The following ZSWIM6 variants were observed in gnomAD, a reference collection of about 807,000 sequenced individuals.
ZSWIM6 encodes the protein zinc finger SWIM domain-containing protein 6.
In ZSWIM6, 9 loss-of-function variants were observed where a neutral mutation model predicts 113.2. The ratio of observed to expected loss-of-function variants is 0.08; its 90% confidence interval spans 0.05 to 0.14. ZSWIM6 has a LOEUF of 0.14. Among genes scored for constraint, ZSWIM6 ranks in the 10% least tolerant of loss-of-function variants. ZSWIM6 has a pLI of 1.00. For synonymous variants in ZSWIM6, 611 were observed against 606.5 expected (o/e 1.01, Z -0.11); for missense variants, 1,162 against 1,552.2 (o/e 0.75, Z 4.22).
intron 1 of ZSWIM6, 55 bp downstream of exon 1, chr5:61,333,003 G>GGT: frequency 2.1e-6 from 2 of 968,200 alleles, no homozygotes; most frequent in South Asian, 3.2e-5. Flanking sequence ...CCTGGGTGGG[G>GGT]GGGGGGTGCC....
chr5:61,407,753 G>GA (rs1746072136), intron 1 of ZSWIM6, among the ~76,000 whole-genome samples: 1 of 152,116 alleles, frequency 6.6e-6, no homozygotes, highest in Non-Finnish European at 1.5e-5. Context: ...TTCATAATAT[G>GA]AAAAATGTAA....
intron 10 of ZSWIM6, 118 bp downstream of exon 10, chr5:61,535,737 T>C: frequency 7.8e-7 from 1 of 1,278,824 alleles, no homozygotes; most frequent in East Asian, 2.6e-5. Context: ...AAAGAAACTA[T>C]GTATTTATGC....
chr5:61,510,055 C>T (rs1317502901), intron 4 of ZSWIM6, among the ~76,000 whole-genome samples: 2 of 151,912 alleles, frequency 1.3e-5, no homozygotes, highest in Admixed American at 6.6e-5. Context: ...TAGAAATTAT[C>T]GTTCCTATTA....
At chr5:61,333,009 G>GT in intron 1 of ZSWIM6, 61 bp downstream of exon 1, 2 of 439,908 alleles carry the variant, frequency 4.5e-6, no homozygotes, top group Middle Eastern at 9.3e-4. Flanking sequence ...TGGGGGGGGG[G>GT]TGCCCGCCTT....
Position 61,346,630 on chromosome 5 carries a change from A to G in ZSWIM6, c.676+13682A>G, listed in dbSNP as rs1220353758. On this transcript the variant is annotated intron_variant, in intron 1 of 13. Coordinates refer to ENST00000252744, the MANE Select transcript of ZSWIM6 (RefSeq NM_020928.2). Reference sequence around the variant, plus strand: ...TGTGAGCTCTAGCTTAACATGCCTTATTAAAACCAAAGCCCAGTAGGTAGT... The same window carrying G: ...TGTGAGCTCTAGCTTAACATGCCTTGTTAAAACCAAAGCCCAGTAGGTAGT... 2.6e-5 allele frequency among the ~76,000 whole-genome samples: 4 copies of G among 152,212 alleles called. No individual in the cohort carries two copies. The East Asian group carries it at 7.7e-4, about 29-fold the overall frequency.
At chr5:61,425,136 A>G (rs1315308411) in intron 1 of ZSWIM6, among the ~76,000 whole-genome samples, 1 of 152,186 alleles carries the variant, frequency 6.6e-6, no homozygotes. Context: ...TTTTATCAAA[A>G]CCAAGACCAT....
chr5:61,460,312 G>GT lies in ZSWIM6; in HGVS notation c.677-12360dup, dbSNP rs200157562. Among the ~76,000 whole-genome samples, 48 of 151,052 alleles carry GT rather than the reference G, an allele frequency of 3.2e-4. No homozygotes were observed. The South Asian group carries it at 4.2e-3, about 13-fold the overall frequency. ...TACTGCTTATACTGAATTATGGTTTGTTTTTTTTTAATATCTTACAGCAGT... is the reference window on the plus strand; with the variant it reads ...TACTGCTTATACTGAATTATGGTTTGTTTTTTTTTTAATATCTTACAGCAGT... On this transcript the variant is annotated intron_variant, in intron 1 of 13. Transcript: ENST00000252744.
At chr5:61,474,814 C>G (rs1171797012) in intron 2 of ZSWIM6, among the ~76,000 whole-genome samples, 1 of 152,188 alleles carries the variant, frequency 6.6e-6, no homozygotes, top group Non-Finnish European at 1.5e-5. Context: ...CTGTGAGATA[C>G]TTTTAATGTG....
At chr5:61,356,505 A>C (rs771002466) in intron 1 of ZSWIM6, among the ~76,000 whole-genome samples, 9 of 151,496 alleles carry the variant, frequency 5.9e-5, no homozygotes, top group Non-Finnish European at 1.3e-4. Context: ...TATTGAAAGT[A>C]AGGGCAAAAA....
In ZSWIM6 at chr5:61,530,156, C is replaced by G; in HGVS notation, c.1942C>G (p.Arg648Gly). Reference protein sequence around the residue: ...TLFSSLMEACRIDDENLSGFS... With the variant: ...TLFSSLMEACGIDDENLSGFS... ...CTTCAGTAGCCTTATGGAAGCCTGCCGCATTGATGATGAGAACCTCTCTGG... is the reference window on the plus strand; with the variant it reads ...CTTCAGTAGCCTTATGGAAGCCTGCGGCATTGATGATGAGAACCTCTCTGG... Residue 648 changes from arginine to glycine, a missense_variant, in exon 8 of 14, where the codon CGC (arginine) becomes GGC (glycine). Physicochemically the swap from Arg to Gly is moderately radical, Grantham distance 125. Around this residue, in one of 4 missense-constraint regions of ZSWIM6, gnomAD observed 620 missense variants for 804.6 expected, o/e 0.77. Coordinates refer to ENST00000252744, the MANE Select transcript of ZSWIM6 (RefSeq NM_020928.2). The G allele has an allele frequency of 1.3e-6, 2 of 1,551,786 alleles. No homozygotes were observed. Among genetic ancestry groups the G allele is most frequent in the Non-Finnish European group, 1.7e-6 (2 of 1,146,886 alleles).
intron 1 of ZSWIM6, among the ~76,000 whole-genome samples, chr5:61,382,389 G>T (rs1235332551): frequency 6.6e-6 from 1 of 152,170 alleles, no homozygotes; most frequent in Non-Finnish European, 1.5e-5. Flanking sequence ...CTCACCTAGA[G>T]TTACATAGCA....
rs1183493134 is a variant in ZSWIM6, at chr5:61,538,989, G to A, written c.2539+18G>A. On this transcript the variant is annotated intron_variant, in intron 11 of 13. Coordinates refer to ENST00000252744, the MANE Select transcript of ZSWIM6 (RefSeq NM_020928.2). ...AGCCAAAGGTACTGTACTGTCCTGA[G>A]GCCTCATAATTGTTTCATTCGTTTG... The A allele has an allele frequency of 6.7e-7, 1 of 1,499,272 alleles. No individual in the cohort carries two copies. Among genetic ancestry groups the A allele is most frequent in the Non-Finnish European group, 8.9e-7 (1 of 1,123,320 alleles). The allele number at this position is 1,499,272 out of a possible 1,614,324, so 92.9% of individuals were successfully genotyped here. A position where few individuals can be genotyped will look rare whatever the true frequency, so the allele number is the denominator to read the frequency against.
rs141275016 is a variant in ZSWIM6, at chr5:61,504,387, T to C, written c.1333+9977T>C. On this transcript the variant is annotated intron_variant, in intron 4 of 13. Transcript: ENST00000252744. ...TGCATGGGGAGTGATTATACTATCA[T>C]ACACAATACAATCAGCATGAAGCAC... is the stretch of plus-strand genomic sequence containing the variant. Among the ~76,000 whole-genome samples, 160 of 152,314 alleles carry C rather than the reference T, an allele frequency of 1.1e-3. 1 individual carries two copies. The highest frequency in any genetic ancestry group is 3.6e-3 in the African/African-American group (150 of 41,578).
intron 1 of ZSWIM6, among the ~76,000 whole-genome samples, chr5:61,452,036 T>C (rs767802993): frequency 6.6e-6 from 1 of 152,186 alleles, no homozygotes; most frequent in Non-Finnish European, 1.5e-5. Context: ...ACTGGTACTC[T>C]TGGAGCCTTT....
intron 12 of ZSWIM6, among the ~76,000 whole-genome samples, 173 bp downstream of exon 12, chr5:61,539,932 A>G (rs1348175071): frequency 6.6e-6 from 1 of 152,192 alleles, no homozygotes; most frequent in Non-Finnish European, 1.5e-5. Flanking sequence ...TTCCCAGCTG[A>G]ACCAGACTGC....
chr5:61,356,794 TAATATA>T (rs970455919), intron 1 of ZSWIM6, among the ~76,000 whole-genome samples: 20 of 141,780 alleles, frequency 1.4e-4, no homozygotes, highest in African/African-American at 5.2e-4. Flanking sequence ...ATTTTATATA[TAATATA>T]AATATATAAT....
At chr5:61,431,540 T>A (rs866415040) in intron 1 of ZSWIM6, among the ~76,000 whole-genome samples, 1 of 151,738 alleles carries the variant, frequency 6.6e-6, no homozygotes, top group East Asian at 2.0e-4. Flanking sequence ...GGTCAGGAGA[T>A]AGAGACCATC....
rs1749114862 is a variant in ZSWIM6, at chr5:61,521,302, A to T, written c.1373A>T (p.Lys458Met). Residue 458 changes from lysine to methionine, a missense_variant, in exon 5 of 14, where the codon AAG (lysine) becomes ATG (methionine). This residue lies in a region of ZSWIM6 where 620 missense variants were observed against 804.6 expected (regional missense o/e 0.77). Coordinates refer to ENST00000252744, the MANE Select transcript of ZSWIM6 (RefSeq NM_020928.2). ...WMCIVLNPHCKLEQKASWLKQ... is the reference protein window; with the variant it reads ...WMCIVLNPHCMLEQKASWLKQ... ...TGTATAGTTTTAAACCCCCACTGCA[A>T]GTTGGAGCAAAAGGCCAGTTGGCTA... 3 of 1,511,942 alleles carry T rather than the reference A, an allele frequency of 2.0e-6. No homozygotes were observed. In the Admixed American group the frequency reaches 6.6e-5, roughly 33 times the overall value. 93.7% of individuals were successfully genotyped at this position (1,511,942 alleles called of 1,614,324 possible).
chr5:61,369,557 G>A (rs992011236), intron 1 of ZSWIM6, among the ~76,000 whole-genome samples: 2 of 152,124 alleles, frequency 1.3e-5, no homozygotes, highest in Non-Finnish European at 2.9e-5. Context: ...GGTGCTTTGG[G>A]TACCCACCTC....
Sources: gnomAD v4.1 joint callset for allele counts (sites outside exome capture counted in the v4.1 genomes callset) on GRCh38, gnomAD v4.1.1 for gene constraint, gnomAD v4.1.1 regional missense constraint, MANE v1.5 for transcripts, NCBI Gene and HGNC (gene_info 2026-07-23, HGNC 2026-07-21) for gene names.